PCDHA3: variants seen among roughly 807,000 people sequenced by gnomAD.
PCDHA3 encodes the protein protocadherin alpha-3.
In PCDHA3, 41 loss-of-function variants were observed where a neutral mutation model predicts 62.2. The ratio of observed to expected loss-of-function variants is 0.66; its 90% CI spans 0.51 to 0.86. PCDHA3 has a LOEUF of 0.86. Ranked by LOEUF, PCDHA3 falls within the 40% of genes least tolerant of loss-of-function variation. PCDHA3 has a pLI of 0.00. For synonymous variants in PCDHA3, 640 were observed against 555.4 expected (o/e 1.15, Z -2.14); for missense variants, 1,304 against 1,241.2 (o/e 1.05, Z -0.76).
chr5:141,010,205 G>A lies in PCDHA3; in HGVS notation c.*268G>A, dbSNP rs1554262753. On this transcript the variant is annotated 3_prime_UTR_variant, in exon 4 of 4. Transcript: ENST00000522353. ...ACCCAAGTTTCCTTTCTCCTCCGCC[G>A]CAAAGGAGAGGCTTCCCAGCCCCGC... 4 of 1,551,732 alleles carry A rather than the reference G, an allele frequency of 2.6e-6. No homozygotes were observed. Among genetic ancestry groups the A allele is most frequent in the African/African-American group, 1.4e-5 (1 of 73,014 alleles).
Position 140,803,119 on chromosome 5 carries a change from A to T in PCDHA3, c.1922A>T (p.Asp641Val). The part of the protein sequence containing the change: ...ISTTRALDEV[D>V]APRHRLLVLV... ...ACGACCCGTGCCCTGGACGAGGTGG[A>T]CGCCCCGCGCCATCGCCTACTGGTG... The change falls in exon 1 of 4, where the codon GAC becomes GTC. Residue 641 changes from aspartate to valine, a missense_variant. Physicochemically the swap from Asp to Val is radical, Grantham distance 152 (BLOSUM62 -3). Transcript: ENST00000522353. 2 of 1,613,766 alleles carry T rather than the reference A, an allele frequency of 1.2e-6. No individual in the cohort carries two copies. The highest frequency in any genetic ancestry group is 1.7e-6 in the Non-Finnish European group (2 of 1,179,918).
intron 1 of PCDHA3, chr5:140,841,596 G>A (rs782464159): frequency 6.2e-7 from 1 of 1,614,094 alleles, no homozygotes; most frequent in Non-Finnish European, 8.5e-7. Flanking sequence ...CGGATCGACC[G>A]CGAGGAGCTG....
Position 140,847,724 on chromosome 5 carries a change from A to G in PCDHA3, c.2394+44133A>G, listed in dbSNP as rs2150403013. 2.0e-5 allele frequency: 3 copies of G among 150,110 alleles called. No individual in the cohort carries two copies. The South Asian group carries it at 6.3e-4, about 32-fold the overall frequency. 9.3% of individuals were successfully genotyped at this position (150,110 alleles called of 1,614,324 possible). ...ACAGATTGTATAAATGCTACAAAAGAGAAAAATATATTTTCTCCCCACGCA... is the reference window on the plus strand; with the variant it reads ...ACAGATTGTATAAATGCTACAAAAGGGAAAAATATATTTTCTCCCCACGCA... On this transcript the variant is annotated intron_variant, in intron 1 of 3. Transcript: ENST00000522353.
chr5:140,982,795 A>ATGTG (rs60616196), intron 3 of PCDHA3, among the ~76,000 whole-genome samples: 1 of 151,628 alleles, frequency 6.6e-6, no homozygotes, highest in African/African-American at 2.4e-5. Context: ...GCATGTGTGC[A>ATGTG]TGTGTGTGTG....
intron 1 of PCDHA3, among the ~76,000 whole-genome samples, chr5:140,899,678 G>C (rs1554188694): frequency 6.6e-6 from 1 of 152,210 alleles, no homozygotes; most frequent in Non-Finnish European, 1.5e-5. Flanking sequence ...TTGGTATCAG[G>C]ATGATGCTGG....
At chr5:140,825,229 A>G (rs1768482115) in intron 1 of PCDHA3, 1 of 151,364 alleles carries the variant, frequency 6.6e-6, no homozygotes, top group Admixed American at 6.6e-5. Context: ...TTTTTCTTTT[A>G]TCTGGATCTA....
At position 140,846,059 on chromosome 5, in the gene PCDHA3, G is replaced by A. The variant is rs1780185610; in HGVS notation, c.2394+42468G>A. ...AGTCAAGTTAACACCACCTATGTGG[G>A]AAAACAGTTTTTTGGAAAGGTTAAA... On this transcript the variant is annotated intron_variant, in intron 1 of 3. Coordinates refer to ENST00000522353, the MANE Select transcript of PCDHA3 (RefSeq NM_018906.3). 2.0e-5 allele frequency among the ~76,000 whole-genome samples: 3 copies of A among 149,674 alleles called. No individual in the cohort carries two copies. The South Asian group carries it at 6.3e-4, about 32-fold the overall frequency.
At chr5:140,970,332 G>A (rs1236073527) in intron 1 of PCDHA3, among the ~76,000 whole-genome samples, 12 of 152,138 alleles carry the variant, frequency 7.9e-5, no homozygotes, top group Admixed American at 2.6e-4. Flanking sequence ...TCCAAAGCAT[G>A]CATTCATTTT....
intron 1 of PCDHA3, chr5:140,824,397 TAATTGTAA>T: frequency 1.8e-6 from 1 of 549,260 alleles, no homozygotes; most frequent in Non-Finnish European, 3.2e-6. Context: ...TGTAGGATAA[TAATTGTAA>T]GACATAGTTT....
chr5:140,841,148 C>T, intron 1 of PCDHA3: 1 of 776,052 alleles, frequency 1.3e-6, no homozygotes, highest in Non-Finnish European at 2.0e-6. Context: ...CATGATGTCG[C>T]TGTCTACCAA....
At chr5:141,007,235 T>G (rs2098311065) in intron 3 of PCDHA3, among the ~76,000 whole-genome samples, 1 of 151,964 alleles carries the variant, frequency 6.6e-6, no homozygotes, top group Non-Finnish European at 1.5e-5. Context: ...GAAGGATTGT[T>G]GAGCTGAAGG....
chr5:140,870,478 T>C (rs782114058), intron 1 of PCDHA3: 1 of 1,614,112 alleles, frequency 6.2e-7, no homozygotes, highest in Admixed American at 1.7e-5. Flanking sequence ...ACAGCCCGAG[T>C]ACACCGTGTT....
chr5:140,849,597 G>T lies in PCDHA3; in HGVS notation c.2394+46006G>T, dbSNP rs2150442042. 77 of 1,598,656 alleles carry T rather than the reference G, an allele frequency of 4.8e-5. 9 individuals carry two copies. Among genetic ancestry groups the T allele is most frequent in the Admixed American group, 4.4e-4 (26 of 59,274 alleles). On this transcript the variant is annotated intron_variant, in intron 1 of 3. Transcript: ENST00000522353. ...AAAAGAGGACGCACAACTGGGGACA[G>T]TTATTGCCCTGATTAGTGTGATCGA...
At chr5:140,877,065 G>A (rs782807909) in intron 1 of PCDHA3, 7 of 1,613,044 alleles carry the variant, frequency 4.3e-6, no homozygotes, top group Non-Finnish European at 5.9e-6. Flanking sequence ...TGGAGCTGCT[G>A]CAGTTCCAGG....
At chr5:140,837,629 C>CT (rs2150277750) in intron 1 of PCDHA3, among the ~76,000 whole-genome samples, 8 of 148,948 alleles carry the variant, frequency 5.4e-5, no homozygotes, top group Admixed American at 1.3e-4. Flanking sequence ...TCCTTCCTTC[C>CT]TTCCTTTCTT....
Position 140,857,332 on chromosome 5 carries a change from C to T in PCDHA3, c.2394+53741C>T, listed in dbSNP as rs782461373. The stretch of plus-strand genomic sequence containing the variant: ...ATGAGCTGGTGGTGACCGCGCGGGA[C>T]GGGGGCTCGCCTCCGCTGTGGGCCA... On this transcript the variant is annotated intron_variant, in intron 1 of 3. Transcript: ENST00000522353. The T allele has an allele frequency of 1.9e-5, 30 of 1,598,216 alleles. No homozygotes were observed. In the South Asian group the frequency reaches 2.0e-4, roughly 11 times the overall value.
In PCDHA3 at chr5:140,808,475, G is replaced by A. The variant is rs1359220357; in HGVS notation, c.2394+4884G>A. The A allele has an allele frequency of 2.5e-6, 4 of 1,614,172 alleles. No homozygotes were observed. The highest frequency in any genetic ancestry group is 4.5e-5 in the East Asian group (2 of 44,874). ...TGAGCTGGTGGTGACCGCGCGAGAC[G>A]GGGGCTCGCCTTCGCTGTGGGCCAC... On this transcript the variant is annotated intron_variant, in intron 1 of 3. Transcript: ENST00000522353.
intron 1 of PCDHA3, among the ~76,000 whole-genome samples, chr5:140,818,531 T>A (rs1766379937): frequency 6.6e-6 from 1 of 152,224 alleles, no homozygotes; most frequent in African/African-American, 2.4e-5. Flanking sequence ...AGATTATCAT[T>A]TTTCTCCATT....
chr5:140,991,879 G>A (rs1464021872), intron 3 of PCDHA3, among the ~76,000 whole-genome samples: 1 of 152,174 alleles, frequency 6.6e-6, no homozygotes, highest in Non-Finnish European at 1.5e-5. Flanking sequence ...TCCTAGGGCT[G>A]CCATAACAAA....
Sources: gnomAD v4.1 joint callset for allele counts (sites outside exome capture counted in the v4.1 genomes callset) on GRCh38, gnomAD v4.1.1 for gene constraint, MANE v1.5 for transcripts, NCBI Gene and HGNC (gene_info 2026-07-23, HGNC 2026-07-21) for gene names.